SLC9A4: variants seen among roughly 807,000 people sequenced by gnomAD.
SLC9A4 encodes the protein sodium/hydrogen exchanger 4.
A neutral mutation model predicts 67.4 loss-of-function variants in SLC9A4; 63 were observed. The observed-to-expected ratio is 0.93, with a 90% CI of 0.76 to 1.15. SLC9A4 has a LOEUF of 1.15. SLC9A4 is among the 50% of genes most tolerant of loss of function. SLC9A4 has a pLI of 0.00. For synonymous variants in SLC9A4, 393 were observed against 367.2 expected (o/e 1.07, Z -0.80); for missense variants, 1,089 against 987.7 (o/e 1.10, Z -1.38).
At chr2:102,513,974 C>G in intron 7 of SLC9A4, 116 bp from the exon 8 acceptor site, 1 of 1,382,090 alleles carries the variant, frequency 7.2e-7, no homozygotes, top group Non-Finnish European at 9.6e-7. Context: ...AGGCACTGTC[C>G]TGATGTTTCT....
chr2:102,483,779 A>AACT (rs1230178577), intron 2 of SLC9A4, among the ~76,000 whole-genome samples: 1 of 143,486 alleles, frequency 7.0e-6, no homozygotes, highest in African/African-American at 2.6e-5. Context: ...TGACCTTAGT[A>AACT]ACTATCTCAC....
At chr2:102,507,373 A>G (rs1160526851) in intron 4 of SLC9A4, among the ~76,000 whole-genome samples, 1 of 152,218 alleles carries the variant, frequency 6.6e-6, no homozygotes, top group East Asian at 1.9e-4. Context: ...GACCTTTCCT[A>G]GCAGGCACCA....
intron 2 of SLC9A4, among the ~76,000 whole-genome samples, chr2:102,485,181 T>G (rs1217417336): frequency 6.6e-6 from 1 of 152,238 alleles, no homozygotes; most frequent in Non-Finnish European, 1.5e-5. Context: ...CAGATCGCCA[T>G]GTGCCTAAGT....
At chr2:102,474,543 G>A (rs955757942) in intron 1 of SLC9A4, among the ~76,000 whole-genome samples, 1 of 152,116 alleles carries the variant, frequency 6.6e-6, no homozygotes, top group African/African-American at 2.4e-5. Flanking sequence ...ATGGGATGTC[G>A]GGGCATATAA....
intron 6 of SLC9A4, among the ~76,000 whole-genome samples, chr2:102,510,838 T>C (rs1363390301): frequency 2.0e-5 from 3 of 152,226 alleles, no homozygotes; most frequent in African/African-American, 4.8e-5. Context: ...AATATGACAC[T>C]GGGCATGGTT....
chr2:102,530,227 G>A (rs1053342833), intron 11 of SLC9A4, among the ~76,000 whole-genome samples: 50 of 152,236 alleles, frequency 3.3e-4, no homozygotes, highest in African/African-American at 4.3e-4. Context: ...CCCGCCCTGC[G>A]CTGAGCAGAA....
At chr2:102,519,821 AAG>A (rs1222918373) in intron 8 of SLC9A4, 36 bp from the exon 9 acceptor site, 1 of 1,605,112 alleles carries the variant, frequency 6.2e-7, no homozygotes, top group Middle Eastern at 1.7e-4. Context: ...TGCCAAATGA[AAG>A]AATAATGTTT....
intron 11 of SLC9A4, among the ~76,000 whole-genome samples, chr2:102,528,252 C>G (rs1471403602): frequency 6.6e-6 from 1 of 152,104 alleles, no homozygotes; most frequent in Non-Finnish European, 1.5e-5. Context: ...AGGTGATCCC[C>G]CTGACTCAGC....
chr2:102,521,070 A>T (rs1685399234), intron 9 of SLC9A4, among the ~76,000 whole-genome samples: 2 of 152,242 alleles, frequency 1.3e-5, no homozygotes, highest in African/African-American at 4.8e-5. Flanking sequence ...AGACTATCAC[A>T]TCCTGCCTTA....
At chr2:102,498,558 T>G (rs1422892969) in intron 2 of SLC9A4, among the ~76,000 whole-genome samples, 1 of 152,230 alleles carries the variant, frequency 6.6e-6, no homozygotes, top group Non-Finnish European at 1.5e-5. Flanking sequence ...AGACTTTCCT[T>G]TTCTGGGATT....
chr2:102,495,848 T>C (rs560933938), intron 2 of SLC9A4, among the ~76,000 whole-genome samples: 1 of 152,230 alleles, frequency 6.6e-6, no homozygotes, highest in African/African-American at 2.4e-5. Flanking sequence ...TCAAGCCATA[T>C]TTAAAAATTA....
rs772666335 is a variant in SLC9A4 at position 102,532,668 on chromosome 2, C to T, written c.2377C>T (p.Pro793Ser). The T allele has an allele frequency of 2.5e-6, 4 of 1,612,184 alleles. No individual in the cohort carries two copies. The highest frequency in any genetic ancestry group is 3.4e-6 in the Non-Finnish European group (4 of 1,179,060). The change falls in exon 12 of 12, where the codon CCT becomes TCT. Residue 793 changes from proline to serine, a missense_variant. Transcript: ENST00000295269. ...HGRDHHRSHS[P>S]LLQKK is the part of the protein sequence containing the mutation. The stretch of plus-strand genomic sequence containing the variant: ...CAGGGACCATCACAGGTCCCATAGT[C>T]CTTTGCTCCAAAAAAAATAGTGTTA...
intron 7 of SLC9A4, among the ~76,000 whole-genome samples, chr2:102,513,569 T>G (rs1049165628): frequency 6.6e-5 from 10 of 151,540 alleles, no homozygotes; most frequent in Non-Finnish European, 1.3e-4. Flanking sequence ...GTAGGGTTTT[T>G]TTCTTCCCCT....
intron 3 of SLC9A4, among the ~76,000 whole-genome samples, chr2:102,504,047 A>C (rs1287975589): frequency 1.3e-5 from 2 of 152,004 alleles, no homozygotes; most frequent in Non-Finnish European, 2.9e-5. Context: ...TTCCTTGAAA[A>C]GTGTTTTTTT....
intron 2 of SLC9A4, among the ~76,000 whole-genome samples, chr2:102,483,033 T>C (rs963564946): frequency 6.6e-6 from 1 of 152,184 alleles, no homozygotes; most frequent in African/African-American, 2.4e-5. Context: ...TAGCAACATG[T>C]GTTTGACTTC....
intron 2 of SLC9A4, among the ~76,000 whole-genome samples, chr2:102,487,013 G>A (rs768071566): frequency 3.9e-5 from 6 of 152,226 alleles, no homozygotes; most frequent in Non-Finnish European, 7.3e-5. Context: ...TTATCTGTGA[G>A]GCTCTCCCCT....
At position 102,519,841 on chromosome 2, in the gene SLC9A4, C is replaced by A. The variant is rs76559095; in HGVS notation, c.1722-18C>A. ...AATGAAAGAATAATGTTTGTCTCTT[C>A]TCCAATAATGATTCCAGGGCCCAGA... On this transcript the variant is annotated intron_variant, in intron 8 of 11. Transcript: ENST00000295269. The A allele has an allele frequency of 1.1e-3, 1,824 of 1,611,740 alleles. 25 individuals are homozygous for A. In the African/African-American group the frequency reaches 0.022, roughly 19 times the overall value.
At chr2:102,511,064 C>T (rs550881098) in intron 6 of SLC9A4, among the ~76,000 whole-genome samples, 1 of 152,284 alleles carries the variant, frequency 6.6e-6, no homozygotes, top group East Asian at 1.9e-4. Flanking sequence ...ATAGTTGCTG[C>T]ACATGAGATT....
Position 102,532,457 on chromosome 2 carries a change from A to G in SLC9A4, c.2166A>G (p.Ala722=), listed in dbSNP as rs1573362140. The G allele has an allele frequency of 1.2e-6, 2 of 1,614,240 alleles. No individual in the cohort carries two copies. Among genetic ancestry groups the G allele is most frequent in the Non-Finnish European group, 1.7e-6 (2 of 1,180,042 alleles). The change falls in exon 12 of 12, where the codon GCA becomes GCG. Residue 722 remains alanine, a synonymous_variant. Coordinates refer to ENST00000295269, the MANE Select transcript of SLC9A4 (RefSeq NM_001011552.4). ...AGAGCCTACACAGAGGAAGGAAGGC[A>G]TTCAGCTTTGGTTATCAAAGAAACA... is the stretch of plus-strand genomic sequence containing the variant. The part of the protein sequence containing the change: ...PMKSLHRGRK[A]FSFGYQRNTS...
Sources: gnomAD v4.1 joint callset for allele counts (sites outside exome capture counted in the v4.1 genomes callset) on GRCh38, gnomAD v4.1.1 for gene constraint, MANE v1.5 for transcripts, NCBI Gene and HGNC (gene_info 2026-07-23, HGNC 2026-07-21) for gene names.